Variants in WDPCP observed in about 807,000 individuals in gnomAD.
WDPCP encodes WD repeat containing planar cell polarity effector.
Under a neutral mutation model 93.1 loss-of-function variants are expected in WDPCP, and 71 were observed. That is an observed-to-expected ratio of 0.76 (90% CI 0.63 to 0.93). WDPCP has a LOEUF of 0.93. Among genes scored for constraint, WDPCP ranks in the 40% least tolerant of loss-of-function variants. The pLI, the probability that WDPCP is intolerant of heterozygous loss-of-function variation, is 0.00. For missense variants in WDPCP, 844 were observed against 887.4 expected (o/e 0.95, Z 0.62); for synonymous variants, 315 against 315.0 (o/e 1.00, Z 0.00).
At chr2:63,507,383 T>A (rs759041968) in intron 1 of WDPCP, among the ~76,000 whole-genome samples, 6 of 152,122 alleles carry the variant, frequency 3.9e-5, no homozygotes, top group Non-Finnish European at 8.8e-5. Context: ...TTCCTACCTA[T>A]AATTCTATAT....
rs369810816 is a variant in WDPCP at position 63,703,301 on chromosome 2, A to C, written n.309-52463T>G. Among the ~76,000 whole-genome samples the C allele has an allele frequency of 1.2e-4, 18 of 152,286 alleles. 1 individual carries two copies. The South Asian group carries it at 3.7e-3, about 32-fold the overall frequency. ...AGATCCCTGAGGAATCGCCACACCAACTTCCACAATGGTTGAACTAGTTTA... is the reference window on the plus strand; with the variant it reads ...AGATCCCTGAGGAATCGCCACACCACCTTCCACAATGGTTGAACTAGTTTA... On this transcript the variant is annotated intron_variant and non_coding_transcript_variant, in intron 2 of 4. Coordinates refer to the WDPCP transcript ENST00000467687.
At chr2:63,588,147 C>A (rs1190578371) in intron 1 of WDPCP, 50 bp downstream of exon 1, 4 of 1,547,942 alleles carry the variant, frequency 2.6e-6, no homozygotes, top group East Asian at 4.9e-5. Flanking sequence ...CAACCGCATT[C>A]CGGATCCTAA....
At chr2:63,288,660 T>C (rs1245292796) in intron 13 of WDPCP, among the ~76,000 whole-genome samples, 1 of 152,238 alleles carries the variant, frequency 6.6e-6, no homozygotes, top group Non-Finnish European at 1.5e-5. Flanking sequence ...TTCACTTACA[T>C]AACCACAATC....
chr2:63,399,864 A>G (rs533460013), intron 10 of WDPCP, among the ~76,000 whole-genome samples: 4 of 152,300 alleles, frequency 2.6e-5, no homozygotes, highest in Non-Finnish European at 5.9e-5. Flanking sequence ...TTATGTGAAA[A>G]GAACATAGGT....
At chr2:63,704,358 G>C (rs1669114309) in intron 2 of WDPCP, among the ~76,000 whole-genome samples, 1 of 152,122 alleles carries the variant, frequency 6.6e-6, no homozygotes, top group African/African-American at 2.4e-5. Flanking sequence ...TGGTGAGAGA[G>C]GGCATCTCTG....
chr2:63,249,768 T>G (rs531693659), intron 14 of WDPCP, among the ~76,000 whole-genome samples: 8 of 152,344 alleles, frequency 5.3e-5, no homozygotes, highest in African/African-American at 1.4e-4. Context: ...GGGGTATATG[T>G]TCAAAGACCC....
intron 12 of WDPCP, among the ~76,000 whole-genome samples, chr2:63,361,124 T>C (rs541522911): frequency 6.6e-6 from 1 of 152,320 alleles, no homozygotes; most frequent in African/African-American, 2.4e-5. Flanking sequence ...GAATTCATAG[T>C]GACCTTAATC....
At chr2:63,179,909 T>C (rs1674105599) in intron 14 of WDPCP, among the ~76,000 whole-genome samples, 2 of 152,216 alleles carry the variant, frequency 1.3e-5, no homozygotes. Flanking sequence ...ATTTGTTTTG[T>C]GGCCTTCATG....
intron 2 of WDPCP, among the ~76,000 whole-genome samples, chr2:63,732,043 A>C (rs1293488745): frequency 1.3e-5 from 2 of 152,168 alleles, no homozygotes; most frequent in South Asian, 4.1e-4. Context: ...TAAATGAGGA[A>C]AGAGGGGAGA....
chr2:63,210,008 T>C (rs886739498), intron 14 of WDPCP, among the ~76,000 whole-genome samples: 5 of 152,272 alleles, frequency 3.3e-5, no homozygotes, highest in African/African-American at 1.2e-4. Context: ...ATTATACAGA[T>C]CTCTTATTTT....
chr2:63,615,535 C>G (rs1235512541), intron 3 of WDPCP, among the ~76,000 whole-genome samples: 1 of 151,992 alleles, frequency 6.6e-6, no homozygotes, highest in Admixed American at 6.5e-5. Flanking sequence ...TTTTTCATGC[C>G]CTAGGTAAAT....
At chr2:63,653,182 G>T (rs1030060257) in intron 2 of WDPCP, among the ~76,000 whole-genome samples, 3 of 152,188 alleles carry the variant, frequency 2.0e-5, no homozygotes, top group Admixed American at 2.0e-4. Context: ...AGTGAAAAAG[G>T]ATCCAGAAAT....
intron 13 of WDPCP, among the ~76,000 whole-genome samples, chr2:63,283,823 T>C (rs1683763848): frequency 6.6e-6 from 1 of 152,228 alleles, no homozygotes; most frequent in African/African-American, 2.4e-5. Context: ...GTGCTGTATA[T>C]TATGACCAAC....
At chr2:63,722,674 C>G (rs1334099566) in intron 2 of WDPCP, among the ~76,000 whole-genome samples, 1 of 146,694 alleles carries the variant, frequency 6.8e-6, no homozygotes, top group African/African-American at 2.5e-5. Flanking sequence ...GGGTCAGCCC[C>G]CCGCCCGGCC....
At chr2:63,424,729 C>T (rs1273261927) in intron 9 of WDPCP, among the ~76,000 whole-genome samples, 6 of 152,136 alleles carry the variant, frequency 3.9e-5, no homozygotes, top group African/African-American at 9.7e-5. Flanking sequence ...CATGGGTATT[C>T]GTGGGCTGGT....
At chr2:63,181,160 C>T (rs1345546434) in intron 14 of WDPCP, among the ~76,000 whole-genome samples, 1 of 151,930 alleles carries the variant, frequency 6.6e-6, no homozygotes, top group Non-Finnish European at 1.5e-5. Context: ...ATTGTCTGTT[C>T]TCTTATTTCT....
chr2:63,704,896 T>A (rs976725510), intron 2 of WDPCP, among the ~76,000 whole-genome samples: 1 of 152,248 alleles, frequency 6.6e-6, no homozygotes, highest in Non-Finnish European at 1.5e-5. Context: ...CTTGTACCTC[T>A]GGTAGAATTC....
At chr2:63,248,939 T>C (rs1293543882) in intron 14 of WDPCP, among the ~76,000 whole-genome samples, 1 of 152,082 alleles carries the variant, frequency 6.6e-6, no homozygotes, top group Non-Finnish European at 1.5e-5. Context: ...TCTTTAGTTC[T>C]TTATATGGTT....
intron 14 of WDPCP, among the ~76,000 whole-genome samples, chr2:63,183,405 T>C (rs1276437282): frequency 6.6e-6 from 1 of 152,088 alleles, no homozygotes; most frequent in Non-Finnish European, 1.5e-5. Context: ...TTCAGGGATA[T>C]GTTATCCAAT....
Sources: allele counts gnomAD v4.1 joint callset (sites outside exome capture counted in the v4.1 genomes callset), GRCh38; gene constraint gnomAD v4.1.1; transcripts MANE v1.5; gene names NCBI Gene and HGNC (gene_info 2026-07-23, HGNC 2026-07-21).